Variants in KCNT2 observed in about 807,000 individuals in gnomAD.
KCNT2 encodes the protein potassium channel subfamily T member 2.
KCNT2 carries 67 observed loss-of-function variants against 153.8 expected under a neutral mutation model. The ratio of observed to expected loss-of-function variants is 0.44; its 90% confidence interval spans 0.36 to 0.53. The LOEUF (loss-of-function observed/expected upper bound fraction) is 0.53, where lower values mean the gene tolerates loss of function less well. Ranked by LOEUF, KCNT2 falls within the 20% of genes least tolerant of loss-of-function variation. The pLI, the probability that KCNT2 is intolerant of heterozygous loss-of-function variation, is 0.00. For missense variants in KCNT2, 975 were observed against 1,354.8 expected (o/e 0.72, Z 4.40); for synonymous variants, 500 against 458.8 (o/e 1.09, Z -1.15).
In KCNT2 at chr1:196,303,000, A is replaced by G. The variant is rs112359455; in HGVS notation, c.2595+2234T>C. Among the ~76,000 whole-genome samples, 927 of 150,724 alleles carry G rather than the reference A, an allele frequency of 6.2e-3. 11 individuals carry two copies. Among genetic ancestry groups the G allele is most frequent in the African/African-American group, 0.022 (877 of 40,758 alleles). On this transcript the variant is annotated intron_variant, in intron 22 of 27. Coordinates refer to ENST00000294725, the MANE Select transcript of KCNT2 (RefSeq NM_198503.5). ...TGGGAAAAATCTAAAAGACATAAGG[A>G]CAAATGCAAATCTTAAAAAAAAAAA... is the stretch of plus-strand genomic sequence containing the variant.
intron 18 of KCNT2, 71 bp downstream of exon 18, chr1:196,331,085 T>C (rs1664412463): frequency 2.4e-6 from 2 of 827,404 alleles, no homozygotes; most frequent in Admixed American, 1.9e-5. Flanking sequence ...CTGTACAAAT[T>C]ACTTAAATTA....
At chr1:196,456,313 G>A (rs1237705288) in intron 8 of KCNT2, among the ~76,000 whole-genome samples, 1 of 151,524 alleles carries the variant, frequency 6.6e-6, no homozygotes, top group African/African-American at 2.4e-5. Flanking sequence ...CTCCATTATT[G>A]ATTTACTGAC....
At chr1:196,492,171 A>T in intron 2 of KCNT2, 91 bp downstream of exon 2, 2 of 1,214,702 alleles carry the variant, frequency 1.6e-6, no homozygotes, top group Non-Finnish European at 2.2e-6. Flanking sequence ...TTATTCCTCT[A>T]TCTAAAAAGT....
At chr1:196,500,341 G>A (rs930402430) in intron 1 of KCNT2, among the ~76,000 whole-genome samples, 20 of 149,506 alleles carry the variant, frequency 1.3e-4, no homozygotes, top group African/African-American at 4.7e-4. Context: ...AAAAAGAAAC[G>A]TTCATTCAAA....
chr1:196,274,811 G>A (rs1022190037), intron 25 of KCNT2, among the ~76,000 whole-genome samples: 12 of 151,734 alleles, frequency 7.9e-5, no homozygotes, highest in African/African-American at 2.9e-4. Flanking sequence ...ATGTTCACTG[G>A]TTATAGTATA....
chr1:196,297,502 C>T (rs538101445), intron 22 of KCNT2, among the ~76,000 whole-genome samples: 1 of 152,140 alleles, frequency 6.6e-6, no homozygotes, highest in South Asian at 2.1e-4. Context: ...TCATTATGTA[C>T]AATCACAATC....
intron 22 of KCNT2, among the ~76,000 whole-genome samples, chr1:196,292,982 A>C (rs183294632): frequency 6.6e-6 from 1 of 152,154 alleles, no homozygotes; most frequent in East Asian, 1.9e-4. Flanking sequence ...TTACCCTAAA[A>C]ACAAACTACC....
intron 1 of KCNT2, among the ~76,000 whole-genome samples, chr1:196,510,758 C>A (rs1435521140): frequency 6.6e-6 from 1 of 152,170 alleles, no homozygotes; most frequent in Non-Finnish European, 1.5e-5. Flanking sequence ...CAATGTCTGC[C>A]TTAGCTGCAA....
intron 1 of KCNT2, among the ~76,000 whole-genome samples, chr1:196,507,349 C>G (rs1490512343): frequency 6.6e-6 from 1 of 152,118 alleles, no homozygotes; most frequent in Non-Finnish European, 1.5e-5. Context: ...CAATGCAGTG[C>G]TGGACGTGGC....
intron 14 of KCNT2, among the ~76,000 whole-genome samples, chr1:196,350,735 T>C (rs1334606752): frequency 1.3e-5 from 2 of 152,238 alleles, no homozygotes; most frequent in Non-Finnish European, 2.9e-5. Context: ...ATTTTGACTT[T>C]TGTTGCCACT....
intron 1 of KCNT2, among the ~76,000 whole-genome samples, chr1:196,501,843 G>A (rs1049624247): frequency 2.6e-5 from 4 of 152,214 alleles, no homozygotes; most frequent in Admixed American, 1.3e-4. Flanking sequence ...TTTGGGCCGG[G>A]AGCGATGGCT....
intron 1 of KCNT2, among the ~76,000 whole-genome samples, chr1:196,543,054 T>C (rs561810675): frequency 6.6e-6 from 1 of 152,232 alleles, no homozygotes; most frequent in South Asian, 2.1e-4. Context: ...TTTTATATAG[T>C]TATAAATTAT....
intron 1 of KCNT2, among the ~76,000 whole-genome samples, chr1:196,548,216 T>G (rs1034321590): frequency 6.6e-6 from 1 of 151,988 alleles, no homozygotes. Flanking sequence ...AAGTATTCCT[T>G]TACCTGCTAT....
chr1:196,604,540 T>TGA lies in KCNT2; in HGVS notation c.95+3674_95+3675insTC, dbSNP rs1665104165. The stretch of plus-strand genomic sequence containing the variant: ...TCTCATTTAGCAACTCAAATTTATT[T>TGA]CATGGCCTCACAGAAGTAGTGTTAT... On this transcript the variant is annotated intron_variant, in intron 1 of 27. Coordinates refer to ENST00000294725, the MANE Select transcript of KCNT2 (RefSeq NM_198503.5). Among the ~76,000 whole-genome samples the TGA allele has an allele frequency of 2.0e-5, 3 of 152,324 alleles. No individual in the cohort carries two copies. In the East Asian group the frequency reaches 5.8e-4, roughly 29 times the overall value.
intron 14 of KCNT2, among the ~76,000 whole-genome samples, chr1:196,346,998 A>G (rs911376872): frequency 6.6e-6 from 1 of 152,166 alleles, no homozygotes; most frequent in African/African-American, 2.4e-5. Flanking sequence ...TCACAGATAA[A>G]GAAACTGAGG....
chr1:196,602,490 G>T (rs2149033597), intron 1 of KCNT2, among the ~76,000 whole-genome samples: 1 of 152,270 alleles, frequency 6.6e-6, no homozygotes, highest in South Asian at 2.1e-4. Flanking sequence ...CCAGGGAAAT[G>T]ATTAAGTCAC....
At chr1:196,425,234 G>C (rs1292504486) in intron 11 of KCNT2, among the ~76,000 whole-genome samples, 1 of 151,918 alleles carries the variant, frequency 6.6e-6, no homozygotes, top group African/African-American at 2.4e-5. Context: ...TTGGTAACTT[G>C]TGACAAATGT....
At chr1:196,303,191 T>A (rs1226997883) in intron 22 of KCNT2, among the ~76,000 whole-genome samples, 1 of 152,096 alleles carries the variant, frequency 6.6e-6, no homozygotes, top group Non-Finnish European at 1.5e-5. Context: ...TCTAGCCAGT[T>A]TTGCATTCCA....
intron 1 of KCNT2, among the ~76,000 whole-genome samples, chr1:196,547,435 T>A (rs954661644): frequency 1.3e-5 from 2 of 152,006 alleles, no homozygotes; most frequent in Non-Finnish European, 2.9e-5. Flanking sequence ...ATGTCTAAAG[T>A]TGAAACATTT....
Sources: allele counts gnomAD v4.1 joint callset (sites outside exome capture counted in the v4.1 genomes callset), GRCh38; gene constraint gnomAD v4.1.1; transcripts MANE v1.5; gene names NCBI Gene and HGNC (gene_info 2026-07-23, HGNC 2026-07-21).